The following IMPG1 variants were observed in gnomAD, a reference collection of about 807,000 sequenced individuals.
IMPG1 encodes interphotoreceptor matrix proteoglycan 1.
IMPG1 carries 85 observed loss-of-function variants against 92.0 expected under a neutral mutation model. The observed-to-expected ratio is 0.92, with a 90% CI of 0.78 to 1.11. The LOEUF is 1.11. Ranked by LOEUF, IMPG1 falls within the 50% of genes least tolerant of loss-of-function variation. IMPG1 has a pLI of 0.00. For missense variants in IMPG1, 1,022 were observed against 956.0 expected (o/e 1.07, Z -0.91); for synonymous variants, 367 against 334.1 (o/e 1.10, Z -1.08).
chr6:76,002,929 T>C lies in IMPG1; in HGVS notation c.1280A>G (p.His427Arg), dbSNP rs926868749. 1 of 1,613,046 alleles carries C rather than the reference T, an allele frequency of 6.2e-7. No homozygotes were observed. The highest frequency in any genetic ancestry group is 1.7e-4 in the Middle Eastern group (1 of 6,056). The change falls in exon 12 of 17, where the codon CAT becomes CGT. Residue 427 changes from histidine to arginine, a missense_variant. By Grantham distance (29) the His-to-Arg change is conservative. Around this residue, in one of 3 missense-constraint regions of IMPG1, gnomAD observed 681 missense variants for 583.6 expected, o/e 1.17. Transcript: ENST00000369950. Reference sequence around the variant, plus strand: ...GAGGGGAAACTTACCAGGTAGACCATGCTCTGCTCCGTCCACTGTCTCAAG... The same window carrying C: ...GAGGGGAAACTTACCAGGTAGACCACGCTCTGCTCCGTCCACTGTCTCAAG... ...PQLETVDGAE[H>R]GLPDTSWSPP...
At chr6:76,020,172 C>T (rs1441458815) in intron 6 of IMPG1, among the ~76,000 whole-genome samples, 3 of 152,140 alleles carry the variant, frequency 2.0e-5, no homozygotes, top group Non-Finnish European at 4.4e-5. Flanking sequence ...CCCTCCTCAG[C>T]CTCTCAAGTA....
At chr6:75,962,124 C>T (rs1325851907) in intron 12 of IMPG1, among the ~76,000 whole-genome samples, 3 of 130,034 alleles carry the variant, frequency 2.3e-5, no homozygotes, top group Non-Finnish European at 1.6e-5. Context: ...GATTTCTTTG[C>T]CATTTTGTTT....
chr6:75,978,948 G>C (rs1309845320), intron 12 of IMPG1, among the ~76,000 whole-genome samples: 1 of 152,156 alleles, frequency 6.6e-6, no homozygotes, highest in African/African-American at 2.4e-5. Flanking sequence ...GTCTCTGTCT[G>C]TTGCCTAGGC....
At chr6:76,063,078 C>A (rs532188006) in intron 1 of IMPG1, among the ~76,000 whole-genome samples, 50 of 152,036 alleles carry the variant, frequency 3.3e-4, no homozygotes, top group African/African-American at 1.2e-3. Context: ...GTGGCAGGCA[C>A]CTGTAGTCAC....
At chr6:75,971,508 T>G (rs1392623364) in intron 12 of IMPG1, among the ~76,000 whole-genome samples, 1 of 152,186 alleles carries the variant, frequency 6.6e-6, no homozygotes, top group African/African-American at 2.4e-5. Flanking sequence ...ATAAGAGAAG[T>G]GATTTTCTGA....
chr6:75,991,023 C>G (rs1285450560), intron 12 of IMPG1, among the ~76,000 whole-genome samples: 1 of 152,206 alleles, frequency 6.6e-6, no homozygotes, highest in African/African-American at 2.4e-5. Context: ...ACATTTCTTC[C>G]TCATAGTCTC....
At chr6:76,046,680 T>A (rs973343324) in intron 1 of IMPG1, among the ~76,000 whole-genome samples, 1 of 152,190 alleles carries the variant, frequency 6.6e-6, no homozygotes, top group Non-Finnish European at 1.5e-5. Context: ...TTTCTTCACC[T>A]ATAAAATGGG....
chr6:75,942,532 G>C (rs1015800071), intron 14 of IMPG1, among the ~76,000 whole-genome samples: 1 of 152,144 alleles, frequency 6.6e-6, no homozygotes, highest in African/African-American at 2.4e-5. Context: ...GTGTAAATTG[G>C]AATTTGAGTC....
At chr6:75,931,242 C>T in intron 14 of IMPG1, 91 bp from the exon 15 acceptor site, 1 of 1,195,754 alleles carries the variant, frequency 8.4e-7, no homozygotes, top group African/African-American at 1.5e-5. Flanking sequence ...AATACATTTG[C>T]TATTACCTCA....
At chr6:76,039,415 A>T (rs1200711707) in intron 2 of IMPG1, among the ~76,000 whole-genome samples, 1 of 147,886 alleles carries the variant, frequency 6.8e-6, no homozygotes, top group Admixed American at 6.8e-5. Flanking sequence ...GAGTGCAGTG[A>T]CGTGATCTTG....
In IMPG1 at chr6:76,041,906, A is replaced by C. The variant is rs1783848889; in HGVS notation, c.288T>G (p.Tyr96Ter). The change falls in exon 2 of 17, where the codon TAT becomes TAG. Residue 96 changes from tyrosine to a stop codon, truncating the protein, a stop_gained. Coordinates refer to ENST00000369950, the MANE Select transcript of IMPG1 (RefSeq NM_001563.4). LOFTEE classifies it high-confidence loss of function. ...MKQILDSLQA[Y>*]YRLRVCQEAV... ...CTCTTTCCTTACCTCTCAATCTATA[A>C]TAAGCTTGAAGACTGTCTAAAATCT... 2 of 1,600,836 alleles carry C rather than the reference A, an allele frequency of 1.2e-6. 1 individual carries two copies. The highest frequency in any genetic ancestry group is 2.7e-5 in the African/African-American group (2 of 74,668).
At chr6:75,974,449 CTTCTTTCTTCT>C (rs979362777) in intron 12 of IMPG1, among the ~76,000 whole-genome samples, 2 of 134,264 alleles carry the variant, frequency 1.5e-5, no homozygotes, top group African/African-American at 5.6e-5. Context: ...TCCTTCCTTC[CTTCTTTCTTCT>C]TTCTTTCTTT....
At chr6:76,022,564 G>A (rs1284740336) in intron 5 of IMPG1, among the ~76,000 whole-genome samples, 1 of 152,122 alleles carries the variant, frequency 6.6e-6, no homozygotes, top group African/African-American at 2.4e-5. Context: ...TCTTCTGAGG[G>A]TTTTCTTAGA....
At chr6:75,956,134 C>G (rs1485955564) in intron 12 of IMPG1, among the ~76,000 whole-genome samples, 1 of 152,164 alleles carries the variant, frequency 6.6e-6, no homozygotes, top group Non-Finnish European at 1.5e-5. Flanking sequence ...GGAGGATGCC[C>G]TCTTTTTCTA....
intron 12 of IMPG1, among the ~76,000 whole-genome samples, chr6:75,992,354 G>A (rs1443674281): frequency 1.3e-5 from 2 of 152,134 alleles, no homozygotes; most frequent in Admixed American, 6.5e-5. Context: ...TCAACAGCAG[G>A]TGTTCAACTC....
chr6:76,034,918 A>G, intron 2 of IMPG1, 131 bp from the exon 3 acceptor site: 1 of 731,452 alleles, frequency 1.4e-6, no homozygotes, highest in Non-Finnish European at 2.2e-6. Flanking sequence ...CTAAAAGTTA[A>G]TTCATTTAAC....
chr6:76,012,668 C>T (rs1783207207), intron 7 of IMPG1, among the ~76,000 whole-genome samples: 1 of 152,106 alleles, frequency 6.6e-6, no homozygotes, highest in Admixed American at 6.5e-5. Context: ...GAGCAGACAC[C>T]CATCCCTTTC....
chr6:75,946,932 C>G (rs1781936873), intron 14 of IMPG1, among the ~76,000 whole-genome samples: 1 of 152,046 alleles, frequency 6.6e-6, no homozygotes, highest in African/African-American at 2.4e-5. Context: ...AGGTAGGAAG[C>G]CCCGAGGTTG....
intron 12 of IMPG1, among the ~76,000 whole-genome samples, chr6:75,964,952 A>G (rs1265211397): frequency 6.6e-6 from 1 of 152,200 alleles, no homozygotes; most frequent in Non-Finnish European, 1.5e-5. Context: ...GATGTTATAT[A>G]AATGGAAAAA....
Sources: gnomAD v4.1 joint callset for allele counts (sites outside exome capture counted in the v4.1 genomes callset) on GRCh38, gnomAD v4.1.1 for gene constraint, gnomAD v4.1.1 regional missense constraint, MANE v1.5 for transcripts, NCBI Gene and HGNC (gene_info 2026-07-23, HGNC 2026-07-21) for gene names.